The following SCLT1 variants were observed in gnomAD, a reference collection of about 807,000 sequenced individuals.
The protein encoded by SCLT1 is sodium channel and clathrin linker 1.
In SCLT1, 78 loss-of-function variants were observed where a neutral mutation model predicts 112.8. That is an observed-to-expected ratio of 0.69 (90% CI 0.58 to 0.83). The LOEUF is 0.83. Among genes scored for constraint, SCLT1 ranks in the 40% least tolerant of loss-of-function variants. SCLT1 has a pLI of 0.00. For synonymous variants in SCLT1, 257 were observed against 254.7 expected, an observed-to-expected ratio of 1.01 and a Z score of -0.09; for missense variants, 747 against 770.4, an observed-to-expected ratio of 0.97 and a Z score of 0.36.
chr4:128,952,702 A>C lies in SCLT1; in HGVS notation c.1218+67T>G, dbSNP rs774556508. The C allele has an allele frequency of 3.4e-6, 3 of 889,218 alleles. No homozygotes were observed. In the African/African-American group the frequency reaches 5.0e-5, roughly 15 times the overall value. 55.1% of individuals were successfully genotyped at this position (889,218 alleles called of 1,614,324 possible). A position where few individuals can be genotyped will look rare whatever the true frequency, so the allele number is the denominator to read the frequency against. Reference sequence around the variant, plus strand: ...TATCTTTTGAATGAATGAATCCCCAATAGTATATATCTTGGCCTTTAAAAT... The same window carrying C: ...TATCTTTTGAATGAATGAATCCCCACTAGTATATATCTTGGCCTTTAAAAT... On this transcript the variant is annotated intron_variant, in intron 14 of 20. Transcript: ENST00000281142.
rs191991306 is a variant in SCLT1, at chr4:128,887,540, T to A, written c.2004+1139A>T. 7.7e-4 allele frequency among the ~76,000 whole-genome samples: 117 copies of A among 152,264 alleles called. 1 individual carries two copies. The highest frequency in any genetic ancestry group is 1.2e-3 in the Admixed American group (19 of 15,294). On this transcript the variant is annotated intron_variant, in intron 20 of 20. Transcript: ENST00000281142. ...TAATACATTTATAAGCAAATATAAT[T>A]AATAATATAGTAATTTGATTTGTTT...
At position 128,959,689 on chromosome 4, in the gene SCLT1, T is replaced by G; in HGVS notation, c.958A>C (p.Asn320His). ...KQTRELQAKC[N>H]ELENERYEAI... ...TCATATCTCTCATTTTCTAATTCAT[T>G]GCACTTTGCTTGTAGCTCTCTGGTC... Residue 320 changes from asparagine to histidine, a missense_variant, in exon 12 of 21, where the codon AAT (asparagine) becomes CAT (histidine). Asn to His is a moderately conservative substitution (Grantham distance 68, BLOSUM62 1). Coordinates refer to ENST00000281142, the MANE Select transcript of SCLT1 (RefSeq NM_144643.4). The G allele has an allele frequency of 6.2e-7, 1 of 1,613,564 alleles. No homozygotes were observed. Among genetic ancestry groups the G allele is most frequent in the East Asian group, 2.2e-5 (1 of 44,800 alleles).
At position 128,970,456 on chromosome 4, in the gene SCLT1, T is replaced by C. The variant is rs2126032871; in HGVS notation, c.699A>G (p.Leu233=). Reference sequence around the variant, plus strand: ...CTTTTGCTACAGCAACTCTCAGCTCTAATTTGGCTTGCCTAAAAAATAAAG... The same window carrying C: ...CTTTTGCTACAGCAACTCTCAGCTCCAATTTGGCTTGCCTAAAAAATAAAG... ...QLRKKLRQAK[L]ELRVAVAKVE... The change falls in exon 10 of 21, where the codon TTA becomes TTG. Residue 233 remains leucine (L), a synonymous_variant. Coordinates refer to ENST00000281142, the MANE Select transcript of SCLT1 (RefSeq NM_144643.4). The C allele has an allele frequency of 3.1e-6, 5 of 1,598,026 alleles. No individual in the cohort carries two copies. The highest frequency in any genetic ancestry group is 4.3e-6 in the Non-Finnish European group (5 of 1,166,220).
At chr4:128,896,661 A>C (rs318520) in intron 18 of SCLT1, among the ~76,000 whole-genome samples, 109,928 of 151,570 alleles carry the variant, frequency 0.73, 40,150 homozygotes, top group African/African-American at 0.82. Flanking sequence ...GCAATGGAAC[A>C]AAGCTGGACG....
At chr4:129,006,907 C>T (rs1744078430) in intron 5 of SCLT1, among the ~76,000 whole-genome samples, 1 of 152,210 alleles carries the variant, frequency 6.6e-6, no homozygotes, top group African/African-American at 2.4e-5. Context: ...AGCTTTCCCT[C>T]TAAGAATCGC....
At chr4:128,883,572 G>T (rs318500), downstream of SCLT1, among the ~76,000 whole-genome samples, 1 of 151,942 alleles carries the variant, frequency 6.6e-6, no homozygotes, top group Non-Finnish European at 1.5e-5. Context: ...AATAAAAAAA[G>T]ATTCCTATGA....
chr4:128,912,736 C>G (rs1014377782), intron 18 of SCLT1, among the ~76,000 whole-genome samples: 1 of 151,978 alleles, frequency 6.6e-6, no homozygotes, highest in Non-Finnish European at 1.5e-5. Flanking sequence ...CCCTCCTCCT[C>G]CTTTTTCTTT....
intron 1 of SCLT1, among the ~76,000 whole-genome samples, chr4:129,092,699 A>G (rs545570621): frequency 5.3e-5 from 8 of 152,352 alleles, no homozygotes; most frequent in African/African-American, 1.7e-4. Flanking sequence ...TGTCTGGTAC[A>G]TAATAGAAAC....
chr4:128,900,809 A>T (rs1734217950), intron 18 of SCLT1, among the ~76,000 whole-genome samples: 1 of 152,206 alleles, frequency 6.6e-6, no homozygotes, highest in South Asian at 2.1e-4. Context: ...AGAATCTACA[A>T]TGAACTCAAA....
chr4:128,925,590 C>T (rs965391306), intron 18 of SCLT1, among the ~76,000 whole-genome samples: 5 of 152,140 alleles, frequency 3.3e-5, no homozygotes, highest in Admixed American at 1.3e-4. Context: ...TCCCAAAGTG[C>T]TAGGATTACA....
intron 5 of SCLT1, among the ~76,000 whole-genome samples, chr4:129,024,206 G>A (rs150238274): frequency 0.012 from 1,815 of 152,312 alleles, 22 homozygotes; most frequent in African/African-American, 0.029. Flanking sequence ...CCAGCACACC[G>A]CTGGAGATCT....
At chr4:128,951,447 T>C (rs1425537406) in intron 14 of SCLT1, among the ~76,000 whole-genome samples, 1 of 152,166 alleles carries the variant, frequency 6.6e-6, no homozygotes, top group Non-Finnish European at 1.5e-5. Flanking sequence ...GTCATTCTTT[T>C]TACTCTAAAG....
intron 2 of SCLT1, among the ~76,000 whole-genome samples, chr4:129,072,963 T>A (rs1751153676): frequency 6.6e-6 from 1 of 152,158 alleles, no homozygotes; most frequent in Non-Finnish European, 1.5e-5. Context: ...GGCTGAAAAC[T>A]GTTGTTCAGA....
At chr4:128,967,934 T>C (rs1230252434) in intron 10 of SCLT1, among the ~76,000 whole-genome samples, 1 of 152,200 alleles carries the variant, frequency 6.6e-6, no homozygotes, top group Admixed American at 6.5e-5. Context: ...AGGGCCTATG[T>C]CCAGAAGTGT....
At chr4:129,053,580 T>TTTTTTTTTTTTTTTTTTTC (rs1749053425) in intron 2 of SCLT1, among the ~76,000 whole-genome samples, 2 of 102,382 alleles carry the variant, frequency 2.0e-5, no homozygotes, top group African/African-American at 3.3e-5. Flanking sequence ...TTTTTTTTTT[T>TTTTTTTTTTTTTTTTTTTC]TTTTTTTTTT....
chr4:129,058,689 G>A (rs1292304117), intron 2 of SCLT1, among the ~76,000 whole-genome samples: 2 of 152,072 alleles, frequency 1.3e-5, no homozygotes, highest in African/African-American at 4.8e-5. Context: ...TTCTTCAGTT[G>A]TTGAATAAAA....
chr4:128,954,163 G>T (rs967615051), intron 13 of SCLT1, among the ~76,000 whole-genome samples: 3 of 152,024 alleles, frequency 2.0e-5, no homozygotes, highest in Non-Finnish European at 4.4e-5. Context: ...AAAGGTCTTC[G>T]AGAATTTTCT....
At chr4:129,022,621 A>G (rs1268705130) in intron 5 of SCLT1, among the ~76,000 whole-genome samples, 1 of 152,210 alleles carries the variant, frequency 6.6e-6, no homozygotes. Context: ...GAATGAACAA[A>G]GACTCCAAGA....
At chr4:129,069,131 A>G (rs1452470634) in intron 2 of SCLT1, among the ~76,000 whole-genome samples, 1 of 152,098 alleles carries the variant, frequency 6.6e-6, no homozygotes, top group Non-Finnish European at 1.5e-5. Context: ...CCATTGGTCT[A>G]TGTGCCTATT....
Sources: gnomAD v4.1 joint callset for allele counts (sites outside exome capture counted in the v4.1 genomes callset) on GRCh38, gnomAD v4.1.1 for gene constraint, MANE v1.5 for transcripts, NCBI Gene and HGNC (gene_info 2026-07-23, HGNC 2026-07-21) for gene names.